The following HECW1 variants were observed in gnomAD, a reference collection of about 807,000 sequenced individuals.
HECW1 encodes the protein E3 ubiquitin-protein ligase HECW1.
A neutral mutation model predicts 182.3 loss-of-function variants in HECW1; 61 were observed. The observed-to-expected ratio is 0.33, with a 90% CI of 0.27 to 0.41. The LOEUF (loss-of-function observed/expected upper bound fraction) is 0.41, where lower values mean the gene tolerates loss of function less well. HECW1 is among the 10% of genes least tolerant of loss of function. The pLI is 1.00. For missense variants in HECW1, 1,739 were observed against 2,108.9 expected, an observed-to-expected ratio of 0.82 and a Z score of 3.44; for synonymous variants, 859 against 832.6, an observed-to-expected ratio of 1.03 and a Z score of -0.55.
At chr7:43,430,290 G>A (rs2076503258) in intron 8 of HECW1, among the ~76,000 whole-genome samples, 1 of 152,072 alleles carries the variant, frequency 6.6e-6, no homozygotes, top group South Asian at 2.1e-4. Context: ...CTACATTGAG[G>A]CAATAATGGA....
intron 14 of HECW1, among the ~76,000 whole-genome samples, chr7:43,465,942 G>GGAAGAAAAGAAAGAAGAAAGGAAGAAAA (rs2077752854): frequency 6.9e-6 from 1 of 144,728 alleles, no homozygotes; most frequent in African/African-American, 2.6e-5. Flanking sequence ...AAGGAAGAAA[G>GGAAGAAAAGAAAGAAGAAAGGAAGAAAA]GAAGAAAAGA....
At chr7:43,429,590 C>T (rs2076479828) in intron 8 of HECW1, among the ~76,000 whole-genome samples, 1 of 152,098 alleles carries the variant, frequency 6.6e-6, no homozygotes, top group South Asian at 2.1e-4. Flanking sequence ...TTAGGCAGCA[C>T]TGTTTTTGAA....
At chr7:43,142,821 C>T (rs1788307108) in intron 2 of HECW1, among the ~76,000 whole-genome samples, 1 of 152,186 alleles carries the variant, frequency 6.6e-6, no homozygotes, top group Non-Finnish European at 1.5e-5. Context: ...GTCTTGCATC[C>T]ACTCCTATCT....
At chr7:43,359,323 A>C (rs370047222) in intron 5 of HECW1, among the ~76,000 whole-genome samples, 5 of 152,330 alleles carry the variant, frequency 3.3e-5, no homozygotes, top group South Asian at 2.1e-4. Flanking sequence ...ATCAAAATAA[A>C]ACTGAGATTC....
intron 28 of HECW1, 134 bp from the exon 29 acceptor site, chr7:43,554,458 C>T: frequency 1.3e-6 from 1 of 755,684 alleles, no homozygotes. Context: ...CTCTAAAGGC[C>T]ATCACAAGAG....
intron 3 of HECW1, among the ~76,000 whole-genome samples, chr7:43,275,892 A>G (rs1035790298): frequency 6.6e-6 from 1 of 152,168 alleles, no homozygotes; most frequent in African/African-American, 2.4e-5. Context: ...ATGGTGTTTT[A>G]TAGTGTCAGC....
chr7:43,224,006 A>G (rs556764427), intron 2 of HECW1, among the ~76,000 whole-genome samples: 1 of 152,274 alleles, frequency 6.6e-6, no homozygotes, highest in African/African-American at 2.4e-5. Context: ...ACATTCATGT[A>G]TCATTGTCCC....
In HECW1 at chr7:43,444,285, C is replaced by T. The variant is rs200043164; in HGVS notation, c.1113C>T (p.Asn371=). 6.8e-6 allele frequency: 11 copies of T among 1,614,164 alleles called. No individual in the cohort carries two copies. The East Asian group carries it at 2.5e-4, about 36-fold the overall frequency. The change falls in exon 11 of 30, where the codon AAC becomes AAT. Residue 371 remains asparagine (N), a synonymous_variant. Coordinates refer to ENST00000395891, the MANE Select transcript of HECW1 (RefSeq NM_015052.5). The surrounding 1 kb of genome is among the most constrained non-coding windows in gnomAD (Gnocchi z 4.3). ...SAQIQDSPMN[N]LMESGSGEPR... The stretch of plus-strand genomic sequence containing the variant: ...AAATTCAGGACAGCCCCATGAACAA[C>T]CTGATGGAAAGCGGCAGTGGGGAAC...
At chr7:43,176,071 G>A (rs775242200) in intron 2 of HECW1, among the ~76,000 whole-genome samples, 1 of 152,132 alleles carries the variant, frequency 6.6e-6, no homozygotes, top group Non-Finnish European at 1.5e-5. Context: ...TACTTGAGGA[G>A]GAAAAATGGA....
chr7:43,492,690 G>T (rs1263542694), intron 18 of HECW1, among the ~76,000 whole-genome samples: 9 of 152,086 alleles, frequency 5.9e-5, no homozygotes, highest in Admixed American at 2.0e-4. Context: ...TCGACACATG[G>T]ATTACTTTGC....
chr7:43,179,378 A>C (rs181700060), intron 2 of HECW1, among the ~76,000 whole-genome samples: 1 of 152,174 alleles, frequency 6.6e-6, no homozygotes. Flanking sequence ...AAAAATGGCA[A>C]CCTTTGCTTG....
chr7:43,299,891 TG>T (rs1205569226), intron 3 of HECW1, among the ~76,000 whole-genome samples: 9 of 152,352 alleles, frequency 5.9e-5, no homozygotes, highest in African/African-American at 2.2e-4. Flanking sequence ...ACCATTCCCC[TG>T]AATAATTGCT....
chr7:43,146,810 A>ATGTCTGTGCACAG (rs1788769649), intron 2 of HECW1, among the ~76,000 whole-genome samples: 1 of 152,228 alleles, frequency 6.6e-6, no homozygotes, highest in African/African-American at 2.4e-5. Context: ...GCCAAGCCCC[A>ATGTCTGTGCACAG]TGTCTGTGCA....
intron 5 of HECW1, among the ~76,000 whole-genome samples, chr7:43,346,463 G>C (rs1813699284): frequency 6.6e-6 from 1 of 152,094 alleles, no homozygotes; most frequent in African/African-American, 2.4e-5. Context: ...TCTCCTGACT[G>C]TTCCTTGTGC....
rs2075010247 is a variant in HECW1, at chr7:43,391,064, A to C, written c.556-5750A>C. On this transcript the variant is annotated intron_variant, in intron 6 of 29. Coordinates refer to ENST00000395891, the MANE Select transcript of HECW1 (RefSeq NM_015052.5). ...CCCCAAACCTTTAGAATTTGGCAGGAGACAAGATAAGGGTAATCATCCTAG... is the reference window on the plus strand; with the variant it reads ...CCCCAAACCTTTAGAATTTGGCAGGCGACAAGATAAGGGTAATCATCCTAG... 3.9e-5 allele frequency among the ~76,000 whole-genome samples: 6 copies of C among 152,318 alleles called. No individual in the cohort carries two copies. In the South Asian group the frequency reaches 1.2e-3, roughly 32 times the overall value.
intron 8 of HECW1, among the ~76,000 whole-genome samples, chr7:43,417,930 G>T (rs2076066004): frequency 6.6e-6 from 1 of 152,100 alleles, no homozygotes; most frequent in Non-Finnish European, 1.5e-5. Context: ...AAATTGAGTG[G>T]CTTAAAACTA....
chr7:43,135,411 C>A (rs1375805668), intron 2 of HECW1, among the ~76,000 whole-genome samples: 9 of 152,090 alleles, frequency 5.9e-5, no homozygotes, highest in Non-Finnish European at 8.8e-5. Flanking sequence ...GGAGGAGGGC[C>A]ACACACTAAA....
chr7:43,262,501 A>T (rs1801295066), intron 3 of HECW1, among the ~76,000 whole-genome samples: 2 of 152,082 alleles, frequency 1.3e-5, no homozygotes, highest in African/African-American at 4.8e-5. Flanking sequence ...TGAGATTCAG[A>T]CCCAGTCTTC....
intron 3 of HECW1, among the ~76,000 whole-genome samples, chr7:43,294,088 G>A (rs992534035): frequency 8.5e-5 from 13 of 152,140 alleles, no homozygotes; most frequent in Non-Finnish European, 1.5e-4. Flanking sequence ...TCGATCCCTC[G>A]TGCCAAAAAG....
Sources: allele counts gnomAD v4.1 joint callset (sites outside exome capture counted in the v4.1 genomes callset), GRCh38; gene constraint gnomAD v4.1.1; non-coding constraint Gnocchi (gnomAD v3.1); transcripts MANE v1.5; gene names NCBI Gene and HGNC (gene_info 2026-07-23, HGNC 2026-07-21).